Variants in PTPRN2 observed in about 807,000 individuals in gnomAD.
PTPRN2 encodes receptor-type tyrosine-protein phosphatase N2.
PTPRN2 carries 74 observed loss-of-function variants against 118.8 expected under a neutral mutation model. That is an observed-to-expected ratio of 0.62 (90% confidence interval 0.52 to 0.76). The LOEUF is 0.76. PTPRN2 is among the 30% of genes least tolerant of loss of function. PTPRN2 has a pLI of 0.00. For synonymous variants in PTPRN2, 641 were observed against 608.0 expected, an observed-to-expected ratio of 1.05 and a Z score of -0.80; for missense variants, 1,481 against 1,394.4, an observed-to-expected ratio of 1.06 and a Z score of -0.99.
chr7:158,159,638 C>T (rs1822179533), intron 6 of PTPRN2, among the ~76,000 whole-genome samples: 1 of 147,206 alleles, frequency 6.8e-6, no homozygotes, highest in South Asian at 2.2e-4. Context: ...GCAAGGATTA[C>T]AACAGTGGAC....
chr7:158,219,761 C>A (rs1438821517), intron 3 of PTPRN2, among the ~76,000 whole-genome samples: 1 of 151,810 alleles, frequency 6.6e-6, no homozygotes, highest in Non-Finnish European at 1.5e-5. Context: ...TCCATTTCTT[C>A]TAGAACACCT....
chr7:157,877,272 C>G (rs961345795), intron 12 of PTPRN2, among the ~76,000 whole-genome samples: 3 of 151,104 alleles, frequency 2.0e-5, no homozygotes, highest in Non-Finnish European at 4.4e-5. Context: ...CTCGGGGACC[C>G]CAGATCTGAG....
At chr7:158,328,037 G>A (rs1420183419) in intron 2 of PTPRN2, among the ~76,000 whole-genome samples, 1 of 152,144 alleles carries the variant, frequency 6.6e-6, no homozygotes, top group Non-Finnish European at 1.5e-5. Flanking sequence ...TCTCCAGAGG[G>A]AGAAAAAGCC....
At chr7:158,431,455 C>CGACACACACTGCCTCACACTG (rs1563285356) in intron 2 of PTPRN2, among the ~76,000 whole-genome samples, 3 of 139,790 alleles carry the variant, frequency 2.1e-5, no homozygotes, top group African/African-American at 8.2e-5. Context: ...CTGCCTCACA[C>CGACACACACTGCCTCACACTG]GACACACACT....
chr7:157,755,120 A>G (rs1325649869), intron 12 of PTPRN2, among the ~76,000 whole-genome samples: 3 of 152,210 alleles, frequency 2.0e-5, no homozygotes, highest in African/African-American at 4.8e-5. Context: ...TCCTGGGCTC[A>G]GCAATCTGCC....
chr7:157,913,977 T>C (rs1798237346), intron 11 of PTPRN2, among the ~76,000 whole-genome samples: 1 of 152,250 alleles, frequency 6.6e-6, no homozygotes, highest in African/African-American at 2.4e-5. Flanking sequence ...ACTCAAGTTC[T>C]TCCTTGGCTA....
intron 3 of PTPRN2, among the ~76,000 whole-genome samples, chr7:158,281,108 A>G (rs1461635778): frequency 6.6e-6 from 1 of 152,214 alleles, no homozygotes; most frequent in Non-Finnish European, 1.5e-5. Flanking sequence ...GTTCAAGACC[A>G]GCCTGATCAA....
chr7:158,142,985 A>G (rs1363304866), intron 6 of PTPRN2, among the ~76,000 whole-genome samples: 1 of 152,102 alleles, frequency 6.6e-6, no homozygotes, highest in Non-Finnish European at 1.5e-5. Flanking sequence ...CAGCTTTCAG[A>G]ATCAGAAGAG....
At chr7:157,833,267 G>A (rs978565225) in intron 12 of PTPRN2, among the ~76,000 whole-genome samples, 8 of 144,302 alleles carry the variant, frequency 5.5e-5, no homozygotes, top group African/African-American at 1.3e-4. Context: ...TTGTAAACTC[G>A]TCCAGGAAGT....
intron 1 of PTPRN2, among the ~76,000 whole-genome samples, chr7:158,533,307 CTG>C (rs1825389406): frequency 1.3e-5 from 2 of 152,264 alleles, no homozygotes; most frequent in African/African-American, 4.8e-5. Flanking sequence ...CAGATGGAAT[CTG>C]TGCAAACTTT....
At chr7:158,537,141 C>T (rs762715566) in intron 1 of PTPRN2, among the ~76,000 whole-genome samples, 7 of 152,204 alleles carry the variant, frequency 4.6e-5, no homozygotes, top group African/African-American at 1.7e-4. Context: ...GACACCAAGT[C>T]TGCTGGCACC....
intron 11 of PTPRN2, among the ~76,000 whole-genome samples, chr7:158,026,082 C>T (rs1807243520): frequency 6.6e-6 from 1 of 152,232 alleles, no homozygotes; most frequent in Non-Finnish European, 1.5e-5. Context: ...CGGGCCCCGT[C>T]GAGGCAGCAC....
intron 3 of PTPRN2, among the ~76,000 whole-genome samples, chr7:158,306,023 T>C (rs1017684487): frequency 2.0e-5 from 3 of 152,180 alleles, no homozygotes; most frequent in Admixed American, 2.0e-4. Context: ...CAGAGAATTG[T>C]CACTACTTGA....
intron 11 of PTPRN2, among the ~76,000 whole-genome samples, chr7:157,909,203 G>A (rs767482616): frequency 6.6e-6 from 1 of 151,908 alleles, no homozygotes; most frequent in Non-Finnish European, 1.5e-5. Flanking sequence ...AAAAACAATA[G>A]CTTTATGCAC....
intron 12 of PTPRN2, among the ~76,000 whole-genome samples, chr7:157,811,332 T>TTATATATATATATATATATATA (rs71189737): frequency 5.7e-4 from 75 of 131,264 alleles, no homozygotes; most frequent in Non-Finnish European, 6.4e-4. Flanking sequence ...ATCTACTCTA[T>TTATATATATATATATATATATA]TATATATATA....
chr7:158,041,442 A>T (rs1054264898), intron 11 of PTPRN2, among the ~76,000 whole-genome samples: 3 of 152,158 alleles, frequency 2.0e-5, no homozygotes, highest in Non-Finnish European at 4.4e-5. Context: ...GTTTGAGACC[A>T]TCCTGGCCAA....
rs372660847 is a variant in PTPRN2 at position 157,816,745 on chromosome 7, ACCCTCTG to A, written c.1788+81921_1788+81927del. On this transcript the variant is annotated intron_variant, in intron 12 of 22. Transcript: ENST00000389418. ...CGGGTGGTGCGAGACTCTGCCCTCT[ACCCTCTG>A]CCCTCTGCCCTCTGCCCTGGCGTTG... Among the ~76,000 whole-genome samples the A allele has an allele frequency of 5.4e-3, 814 of 151,984 alleles. 9 individuals are homozygous for A. Among genetic ancestry groups the A allele is most frequent in the African/African-American group, 0.019 (787 of 41,450 alleles).
chr7:157,999,509 A>G (rs1424909335), intron 11 of PTPRN2, among the ~76,000 whole-genome samples: 1 of 152,106 alleles, frequency 6.6e-6, no homozygotes, highest in East Asian at 1.9e-4. Context: ...TTTTCCACCA[A>G]CACAGGCAGG....
chr7:158,354,347 C>A (rs1404371956), intron 2 of PTPRN2, among the ~76,000 whole-genome samples: 1 of 152,132 alleles, frequency 6.6e-6, no homozygotes, highest in Non-Finnish European at 1.5e-5. Flanking sequence ...ACCATGGCCT[C>A]CCCAAACGGA....
Sources: allele counts gnomAD v4.1 joint callset (sites outside exome capture counted in the v4.1 genomes callset), GRCh38; gene constraint gnomAD v4.1.1; transcripts MANE v1.5; gene names NCBI Gene and HGNC (gene_info 2026-07-23, HGNC 2026-07-21).